SLC25A19: variants seen among roughly 807,000 people sequenced by gnomAD.
SLC25A19 encodes solute carrier family 25 member 19.
A neutral mutation model predicts 27.9 loss-of-function variants in SLC25A19; 18 were observed. The ratio of observed to expected loss-of-function variants is 0.64; its 90% CI spans 0.45 to 0.96. SLC25A19 has a LOEUF of 0.96. Ranked by LOEUF, SLC25A19 falls within the 40% of genes least tolerant of loss-of-function variation. The pLI, the probability that SLC25A19 is intolerant of heterozygous loss-of-function variation, is 0.00. For synonymous variants in SLC25A19, 169 were observed against 167.1 expected (o/e 1.01, Z -0.09); for missense variants, 371 against 418.3 (o/e 0.89, Z 0.99).
chr17:75,279,506 CTTTTTT>C (rs35328245), intron 5 of SLC25A19, among the ~76,000 whole-genome samples: 1 of 114,116 alleles, frequency 8.8e-6, no homozygotes, highest in Non-Finnish European at 1.8e-5. Flanking sequence ...ATGCTATTAT[CTTTTTT>C]TTTTTTTTTT....
At chr17:75,286,263 A>T (rs1290759621) in intron 4 of SLC25A19, 41 bp downstream of exon 4, 1 of 1,609,828 alleles carries the variant, frequency 6.2e-7, no homozygotes, top group Admixed American at 1.7e-5. Flanking sequence ...TCCACTGAGC[A>T]ACGTGACCCC....
intron 4 of SLC25A19, among the ~76,000 whole-genome samples, chr17:75,284,381 C>T (rs969859050): frequency 7.2e-5 from 11 of 152,104 alleles, no homozygotes; most frequent in Non-Finnish European, 1.6e-4. Context: ...CCAGCCTGGG[C>T]AACAGAGTGA....
chr17:75,275,479 G>T (rs2077860443), intron 7 of SLC25A19, among the ~76,000 whole-genome samples: 1 of 151,926 alleles, frequency 6.6e-6, no homozygotes, highest in Non-Finnish European at 1.5e-5. Flanking sequence ...CGCATCTCAG[G>T]TTCCCAGGAT....
At chr17:75,289,284 A>G (rs2078255542) in intron 1 of SLC25A19, 70 bp downstream of exon 1, 4 of 152,144 alleles carry the variant, frequency 2.6e-5, no homozygotes. Context: ...CTCCCTCCCG[A>G]CCACCCTGAG....
intron 5 of SLC25A19, among the ~76,000 whole-genome samples, chr17:75,278,752 G>A (rs1218821345): frequency 1.3e-5 from 2 of 151,942 alleles, no homozygotes; most frequent in Non-Finnish European, 2.9e-5. Context: ...GGAGGCTGAG[G>A]CAGGCAGATC....
chr17:75,275,263 G>A (rs1311953184), intron 7 of SLC25A19, among the ~76,000 whole-genome samples: 1 of 151,866 alleles, frequency 6.6e-6, no homozygotes, highest in Non-Finnish European at 1.5e-5. Context: ...AAAGTGCTGG[G>A]ATCACAGGCG....
rs1567835427 is a variant in SLC25A19, at chr17:75,277,391, C to A, written c.736G>T (p.Val246Phe). 6.2e-7 allele frequency: 1 copy of A among 1,614,054 alleles called. No individual in the cohort carries two copies. ...GCTCTGGCATGCTCAAACCCTCCAA[C>A]CTGTAGCCGCTTCTTGAAGAGGTCC... ...PLDLFKKRLQ[V>F]GGFEHARAAF... Residue 246 changes from valine to phenylalanine, a missense_variant, in exon 7 of 8, where the codon GTT (valine) becomes TTT (phenylalanine). Val to Phe is a conservative substitution (Grantham distance 50). Coordinates refer to ENST00000416858, the MANE Select transcript of SLC25A19 (RefSeq NM_001126121.2).
intron 2 of SLC25A19, chr17:75,288,235 A>C (rs1449319171): frequency 6.6e-6 from 1 of 152,178 alleles, no homozygotes; most frequent in Non-Finnish European, 1.5e-5. Context: ...CTCACTCTGG[A>C]CCACTCTTCC....
In SLC25A19 at chr17:75,274,973, C is replaced by CTTTTTTTT. The variant is rs67040059; in HGVS notation, c.775-1342_775-1335dup. 1.1e-3 allele frequency among the ~76,000 whole-genome samples: 54 copies of CTTTTTTTT among 47,200 alleles called. 5 individuals carry two copies. The highest frequency in any genetic ancestry group is 3.4e-3 in the East Asian group (4 of 1,168). 31.0% of individuals were successfully genotyped at this position (47,200 alleles called of 152,430 possible). A position where few individuals can be genotyped will look rare whatever the true frequency, so the allele number is the denominator to read the frequency against. ...TAGTGAAATTACAAGGGATTTTGGT[C>CTTTTTTTT]TTTTTTTTTTTTTTTTTTTTTTTTT... is the stretch of plus-strand genomic sequence containing the variant. On this transcript the variant is annotated intron_variant, in intron 7 of 7. Transcript: ENST00000416858.
Position 75,273,579 on chromosome 17 carries a change from G to A in SLC25A19, c.835C>T (p.Leu279=). 6.2e-7 allele frequency: 1 copy of A among 1,613,970 alleles called. No individual in the cohort carries two copies. The highest frequency in any genetic ancestry group is 8.5e-7 in the Non-Finnish European group (1 of 1,179,984). ...AKQVLQKEGA[L]GFFKGLSPSL... ...GGGGACAGGCCCTTGAAGAAGCCCA[G>A]GGCGCCTTCCTTTTGCAGCACCTGC... Residue 279 remains leucine (L), a synonymous_variant, in exon 8 of 8, where the codon CTG becomes TTG. Transcript: ENST00000416858.
chr17:75,273,380 T>A lies in SLC25A19; in HGVS notation c.*71A>T. On this transcript the variant is annotated 3_prime_UTR_variant, in exon 8 of 8. Coordinates refer to ENST00000416858, the MANE Select transcript of SLC25A19 (RefSeq NM_001126121.2). ...CTGCAGGGAAGGGCCAGACGGCACC[T>A]CTCAGTGGAGACTGAATCTTCCTTC... The A allele has an allele frequency of 6.5e-7, 1 of 1,533,296 alleles. No individual in the cohort carries two copies. The highest frequency in any genetic ancestry group is 8.8e-7 in the Non-Finnish European group (1 of 1,131,052). 95.0% of individuals were successfully genotyped at this position (1,533,296 alleles called of 1,614,324 possible). A position where few individuals can be genotyped will look rare whatever the true frequency, so the allele number is the denominator to read the frequency against.
intron 4 of SLC25A19, among the ~76,000 whole-genome samples, chr17:75,285,093 TG>T (rs1368558029): frequency 1.3e-5 from 2 of 152,040 alleles, no homozygotes; most frequent in South Asian, 4.2e-4. Context: ...CCACCATATC[TG>T]GCTAATTTAT....
Position 75,278,159 on chromosome 17 carries a change from C to T in SLC25A19, c.636G>A (p.Lys212=). ...GTGTGAGGGCTGCCTCACCATTTTT[C>T]TTTCCTTCGGCTGGTATGGCCCACT... ...LYKWAIPAEG[K]KNENLQNLLC... is the part of the protein sequence containing the mutation. The change falls in exon 6 of 8, where the codon AAG becomes AAA. Residue 212 remains lysine (K), a synonymous_variant. Coordinates refer to ENST00000416858, the MANE Select transcript of SLC25A19 (RefSeq NM_001126121.2). The T allele has an allele frequency of 6.2e-7, 1 of 1,613,546 alleles. No homozygotes were observed. The highest frequency in any genetic ancestry group is 8.5e-7 in the Non-Finnish European group (1 of 1,179,994).
chr17:75,286,317 T>C lies in SLC25A19; in HGVS notation c.275A>G (p.Tyr92Cys), dbSNP rs2078179650. The change falls in exon 4 of 8, where the codon TAT becomes TGT. Residue 92 changes from tyrosine to cysteine, a missense_variant. By Grantham distance (194) the Tyr-to-Cys change is radical (BLOSUM62 -2). Coordinates refer to ENST00000416858, the MANE Select transcript of SLC25A19 (RefSeq NM_001126121.2). Reference protein sequence around the residue: ...HVPAQILSIGYGAVQFLSFEM... With the variant: ...HVPAQILSIGCGAVQFLSFEM... Reference sequence around the variant, plus strand: ...CTTGCCACCTACTTGGACAGCTCCATAGCCTATGGAGAGAATCTGAGCTGG... The same window carrying C: ...CTTGCCACCTACTTGGACAGCTCCACAGCCTATGGAGAGAATCTGAGCTGG... The C allele has an allele frequency of 6.2e-7, 1 of 1,613,966 alleles. No individual in the cohort carries two copies. The highest frequency in any genetic ancestry group is 1.3e-5 in the African/African-American group (1 of 75,044).
chr17:75,278,785 C>T (rs1341060771), intron 5 of SLC25A19, among the ~76,000 whole-genome samples: 1 of 151,776 alleles, frequency 6.6e-6, no homozygotes, highest in Non-Finnish European at 1.5e-5. Context: ...GAGTTTGAGA[C>T]CAGCCTGGCC....
In SLC25A19 at chr17:75,286,679, G is replaced by A. The variant is rs376119979; in HGVS notation, c.86C>T (p.Thr29Ile). ...AVAGSVSGLV[T>I]RALISPFDVI... ...GTCGAAGGGACTGATCAGCGCCCGA[G>A]TAACAAGTCCAGACACAGACCCAGC... The change falls in exon 3 of 8, where the codon ACT becomes ATT. Residue 29 changes from threonine to isoleucine, a missense_variant. By Grantham distance (89) the Thr-to-Ile change is moderately conservative (BLOSUM62 -1). Coordinates refer to ENST00000416858, the MANE Select transcript of SLC25A19 (RefSeq NM_001126121.2). 73 of 1,614,010 alleles carry A rather than the reference G, an allele frequency of 4.5e-5. No individual in the cohort carries two copies. Among genetic ancestry groups the A allele is most frequent in the Non-Finnish European group, 6.1e-5 (72 of 1,180,038 alleles).
At chr17:75,277,717 C>A (rs988797804) in intron 6 of SLC25A19, among the ~76,000 whole-genome samples, 1 of 152,052 alleles carries the variant, frequency 6.6e-6, no homozygotes. Flanking sequence ...AGGCCGCAGT[C>A]CCCCAGCTGG....
chr17:75,282,745 G>A (rs1051422090), intron 5 of SLC25A19, among the ~76,000 whole-genome samples: 52 of 151,484 alleles, frequency 3.4e-4, no homozygotes, highest in Non-Finnish European at 6.5e-4. Flanking sequence ...CCAGCTACTC[G>A]GGAGGCTGAG....
intron 5 of SLC25A19, among the ~76,000 whole-genome samples, chr17:75,280,301 G>T (rs1347204261): frequency 6.6e-6 from 1 of 151,638 alleles, no homozygotes; most frequent in Non-Finnish European, 1.5e-5. Flanking sequence ...ACCCCAGGAG[G>T]TGGAGGCTGC....
Sources: gnomAD v4.1 joint callset for allele counts (sites outside exome capture counted in the v4.1 genomes callset) on GRCh38, gnomAD v4.1.1 for gene constraint, MANE v1.5 for transcripts, NCBI Gene and HGNC (gene_info 2026-07-23, HGNC 2026-07-21) for gene names.